Variants in PTPRD observed in about 807,000 individuals in gnomAD.
The protein encoded by PTPRD is receptor-type tyrosine-protein phosphatase delta.
PTPRD carries 34 observed loss-of-function variants against 214.5 expected under a neutral mutation model. That is an observed-to-expected ratio of 0.16 (90% CI 0.12 to 0.21). The LOEUF (loss-of-function observed/expected upper bound fraction) is 0.21, where lower values mean the gene tolerates loss of function less well. Ranked by LOEUF, PTPRD falls within the 10% of genes least tolerant of loss-of-function variation. PTPRD has a pLI of 1.00. For missense variants in PTPRD, 2,545 were observed against 2,398.7 expected (o/e 1.06, Z -1.27); for synonymous variants, 1,128 against 845.7 (o/e 1.33, Z -5.79).
chr9:10,522,645 AG>A (rs1366202910), intron 2 of PTPRD, among the ~76,000 whole-genome samples: 2 of 152,174 alleles, frequency 1.3e-5, no homozygotes, highest in Admixed American at 1.3e-4. Context: ...CCTACTGGGA[AG>A]GGTAGACTCA....
intron 9 of PTPRD, among the ~76,000 whole-genome samples, chr9:9,373,893 A>G (rs1489057958): frequency 6.6e-6 from 1 of 151,978 alleles, no homozygotes; most frequent in Non-Finnish European, 1.5e-5. Flanking sequence ...GTATTTGTTA[A>G]TTTTTTATAT....
chr9:8,557,674 C>T (rs1248863305), intron 14 of PTPRD, among the ~76,000 whole-genome samples: 1 of 139,590 alleles, frequency 7.2e-6, no homozygotes, highest in Non-Finnish European at 1.5e-5. Flanking sequence ...ACATGGGAAG[C>T]GGAGGTTGCA....
intron 14 of PTPRD, among the ~76,000 whole-genome samples, chr9:8,579,443 A>G (rs747021214): frequency 1.2e-4 from 19 of 152,190 alleles, no homozygotes; most frequent in Non-Finnish European, 2.1e-4. Flanking sequence ...ATGCCCAAGA[A>G]AAACTGGTGA....
chr9:9,447,193 C>G (rs979761328), intron 8 of PTPRD, among the ~76,000 whole-genome samples: 13 of 152,118 alleles, frequency 8.5e-5, no homozygotes, highest in African/African-American at 3.1e-4. Flanking sequence ...ATTAATCATT[C>G]TATCATAATG....
At position 8,648,484 on chromosome 9, in the gene PTPRD, C is replaced by T. The variant is rs1010368472; in HGVS notation, c.65-11640G>A. 7.9e-5 allele frequency among the ~76,000 whole-genome samples: 12 copies of T among 152,292 alleles called. No homozygotes were observed. The South Asian group carries it at 2.5e-3, about 32-fold the overall frequency. The stretch of plus-strand genomic sequence containing the variant: ...ATCTGTGAAGTCATTCTTACCATTC[C>T]TTATGCCATAGTCATGCATTCTTAA... On this transcript the variant is annotated intron_variant, in intron 12 of 45. Coordinates refer to ENST00000381196, the MANE Select transcript of PTPRD (RefSeq NM_002839.4).
intron 7 of PTPRD, among the ~76,000 whole-genome samples, chr9:9,725,932 G>C (rs907250047): frequency 1.3e-5 from 2 of 152,088 alleles, no homozygotes; most frequent in African/African-American, 4.8e-5. Context: ...TAGGGAAGCA[G>C]ATGACTTCAG....
At chr9:10,552,873 T>G (rs769527121) in intron 2 of PTPRD, among the ~76,000 whole-genome samples, 2 of 152,196 alleles carry the variant, frequency 1.3e-5, no homozygotes, top group Non-Finnish European at 2.9e-5. Context: ...AACCTATTCT[T>G]GTCCTAAATT....
chr9:8,561,247 A>G (rs904813852), intron 14 of PTPRD, among the ~76,000 whole-genome samples: 21 of 151,876 alleles, frequency 1.4e-4, no homozygotes, highest in Admixed American at 1.2e-3. Flanking sequence ...TCACATACCA[A>G]TCAGCACATA....
rs1223399668 is a variant in PTPRD at position 8,525,043 on chromosome 9, G to A, written c.569-8C>T. ...GCTCAATCTGAAGGGCTCCTGTATGGATATAAAATATATTGCCAAAGAGAT... is the reference window on the plus strand; with the variant it reads ...GCTCAATCTGAAGGGCTCCTGTATGAATATAAAATATATTGCCAAAGAGAT... On this transcript the variant is annotated splice_region_variant and splice_polypyrimidine_tract_variant and intron_variant, in intron 17 of 45. Coordinates refer to ENST00000381196, the MANE Select transcript of PTPRD (RefSeq NM_002839.4). 1 of 1,603,510 alleles carries A rather than the reference G, an allele frequency of 6.2e-7. No individual in the cohort carries two copies. The highest frequency in any genetic ancestry group is 8.5e-7 in the Non-Finnish European group (1 of 1,170,630).
At chr9:10,333,218 C>T (rs2096783493) in intron 3 of PTPRD, among the ~76,000 whole-genome samples, 1 of 151,624 alleles carries the variant, frequency 6.6e-6, no homozygotes, top group African/African-American at 2.4e-5. Flanking sequence ...TTGCCTAAGG[C>T]GTCAGGTGGG....
At chr9:9,901,232 C>T (rs1400677908) in intron 5 of PTPRD, among the ~76,000 whole-genome samples, 1 of 152,100 alleles carries the variant, frequency 6.6e-6, no homozygotes, top group African/African-American at 2.4e-5. Context: ...AGAAGCTTAG[C>T]ATACAATATT....
intron 3 of PTPRD, among the ~76,000 whole-genome samples, chr9:10,106,621 G>A (rs1158465218): frequency 6.6e-6 from 1 of 151,716 alleles, no homozygotes; most frequent in Non-Finnish European, 1.5e-5. Context: ...GTTATGAGAG[G>A]ACCATCTAGA....
intron 8 of PTPRD, among the ~76,000 whole-genome samples, chr9:9,512,631 A>G (rs951038093): frequency 2.0e-5 from 3 of 151,854 alleles, no homozygotes; most frequent in Admixed American, 1.3e-4. Context: ...AAATCATGGC[A>G]TCTTGTATTC....
chr9:8,912,842 T>A (rs2154262496), intron 11 of PTPRD, among the ~76,000 whole-genome samples: 1 of 152,234 alleles, frequency 6.6e-6, no homozygotes, highest in Non-Finnish European at 1.5e-5. Flanking sequence ...CAGCTAAACC[T>A]CAGGTTCCTA....
At chr9:9,423,285 G>C (rs1042770362) in intron 8 of PTPRD, among the ~76,000 whole-genome samples, 2 of 152,106 alleles carry the variant, frequency 1.3e-5, no homozygotes, top group East Asian at 1.9e-4. Context: ...GATGAGGTTA[G>C]TATCCTTATA....
intron 8 of PTPRD, among the ~76,000 whole-genome samples, chr9:9,415,475 A>T (rs1232376295): frequency 6.6e-6 from 1 of 152,202 alleles, no homozygotes; most frequent in Non-Finnish European, 1.5e-5. Context: ...CCCTGTCTCA[A>T]AAATAAAATA....
intron 7 of PTPRD, among the ~76,000 whole-genome samples, chr9:9,643,700 C>T (rs1341519878): frequency 6.6e-6 from 1 of 151,836 alleles, no homozygotes; most frequent in Non-Finnish European, 1.5e-5. Flanking sequence ...CTTCCTTTGT[C>T]TGTCATAATG....
chr9:10,305,057 A>G (rs1481460219), intron 3 of PTPRD, among the ~76,000 whole-genome samples: 2 of 152,126 alleles, frequency 1.3e-5, no homozygotes, highest in African/African-American at 4.8e-5. Flanking sequence ...CAAAACAGAT[A>G]TATACACCCA....
At chr9:9,764,329 A>C (rs960170639) in intron 6 of PTPRD, among the ~76,000 whole-genome samples, 5 of 152,204 alleles carry the variant, frequency 3.3e-5, no homozygotes, top group Non-Finnish European at 7.3e-5. Context: ...AAATGCATTC[A>C]AAATATGCTT....
Sources: gnomAD v4.1 joint callset for allele counts (sites outside exome capture counted in the v4.1 genomes callset) on GRCh38, gnomAD v4.1.1 for gene constraint, MANE v1.5 for transcripts, NCBI Gene and HGNC (gene_info 2026-07-23, HGNC 2026-07-21) for gene names.